The following EZH2 variants were observed in gnomAD, a reference collection of about 807,000 sequenced individuals.
The protein encoded by EZH2 is histone-lysine N-methyltransferase EZH2.
In EZH2, 18 loss-of-function variants were observed where a neutral mutation model predicts 98.4. The ratio of observed to expected loss-of-function variants is 0.18; its 90% CI spans 0.13 to 0.27. The LOEUF is 0.27. EZH2 is among the 10% of genes least tolerant of loss of function. The pLI is 1.00. For synonymous variants in EZH2, 338 were observed against 312.3 expected, an observed-to-expected ratio of 1.08 and a Z score of -0.87; for missense variants, 470 against 935.1, an observed-to-expected ratio of 0.50 and a Z score of 6.49.
At chr7:148,833,255 G>A (rs562734907) in intron 3 of EZH2, among the ~76,000 whole-genome samples, 4 of 151,918 alleles carry the variant, frequency 2.6e-5, no homozygotes, top group South Asian at 4.2e-4. Flanking sequence ...TCAGGAGATC[G>A]AGACCATCCT....
chr7:148,836,183 T>C (rs1810881653), intron 3 of EZH2, among the ~76,000 whole-genome samples: 1 of 152,186 alleles, frequency 6.6e-6, no homozygotes. Context: ...AAAAAATGTT[T>C]CTGGAATGAA....
intron 9 of EZH2, chr7:148,818,884 ATT>A (rs1805278849): frequency 5.6e-6 from 2 of 357,526 alleles, no homozygotes; most frequent in Non-Finnish European, 1.1e-5. Flanking sequence ...CAAGAATTCC[ATT>A]TTTTTAGTGG....
intron 1 of EZH2, among the ~76,000 whole-genome samples, chr7:148,879,088 G>C (rs1239169286): frequency 6.6e-6 from 1 of 151,054 alleles, no homozygotes; most frequent in African/African-American, 2.4e-5. Context: ...AGCCAGGTGT[G>C]GTGGTGCGTT....
chr7:148,868,474 A>T (rs1228951922), intron 1 of EZH2, among the ~76,000 whole-genome samples: 1 of 152,168 alleles, frequency 6.6e-6, no homozygotes, highest in Non-Finnish European at 1.5e-5. Flanking sequence ...TGTCACGAGA[A>T]CTCACTGTCA....
At chr7:148,816,116 A>T (rs1804475659) in intron 12 of EZH2, among the ~76,000 whole-genome samples, 1 of 152,184 alleles carries the variant, frequency 6.6e-6, no homozygotes, top group South Asian at 2.1e-4. Context: ...TCTCATTTTT[A>T]AAAATGTGAG....
chr7:148,848,472 T>C (rs1309647879), intron 1 of EZH2, among the ~76,000 whole-genome samples: 2 of 152,196 alleles, frequency 1.3e-5, no homozygotes, highest in African/African-American at 2.4e-5. Context: ...GCAGGCTTCA[T>C]CTATTTGTTT....
Position 148,811,729 on chromosome 7 carries a change from T to G in EZH2, c.1852-9A>C, listed in dbSNP as rs199654408. On this transcript the variant is annotated splice_polypyrimidine_tract_variant and intron_variant, in intron 15 of 19. Coordinates refer to ENST00000320356, the MANE Select transcript of EZH2 (RefSeq NM_004456.5). ...GGTGCCAGCAATAGATGCTAGAGAA[T>G]AAAACACAATCACATCATCAAAAAA... 73 of 1,608,258 alleles carry G rather than the reference T, an allele frequency of 4.5e-5. No homozygotes were observed. The highest frequency in any genetic ancestry group is 5.9e-5 in the Non-Finnish European group (70 of 1,178,228).
chr7:148,836,447 C>A (rs1339194285), intron 3 of EZH2, among the ~76,000 whole-genome samples: 8 of 152,120 alleles, frequency 5.3e-5, no homozygotes, highest in African/African-American at 7.2e-5. Context: ...AAAAATTACT[C>A]AAAAATCCCA....
rs528183085 is a variant in EZH2 at position 148,810,274 on chromosome 7, C to T, written c.2029+59G>A. ...CTACCCTCGTTTCTGAACACTCGGC[C>T]GGCAGAAGGCTGCCACATGCAACTC... On this transcript the variant is annotated intron_variant, in intron 17 of 19. Coordinates refer to ENST00000320356, the MANE Select transcript of EZH2 (RefSeq NM_004456.5). The T allele has an allele frequency of 2.1e-4, 272 of 1,300,630 alleles. No individual in the cohort carries two copies. In the African/African-American group the frequency reaches 3.0e-3, roughly 14 times the overall value. The allele number at this position is 1,300,630 out of a possible 1,614,324, so 80.6% of individuals were successfully genotyped here. A position where few individuals can be genotyped will look rare whatever the true frequency, so the allele number is the denominator to read the frequency against.
chr7:148,855,668 G>A (rs1025022018), intron 1 of EZH2, among the ~76,000 whole-genome samples: 1 of 152,064 alleles, frequency 6.6e-6, no homozygotes, highest in Non-Finnish European at 1.5e-5. Context: ...GGGAGACCGA[G>A]GCAGGTGGAT....
At chr7:148,822,745 C>G (rs1203517122) in intron 8 of EZH2, among the ~76,000 whole-genome samples, 5 of 151,984 alleles carry the variant, frequency 3.3e-5, no homozygotes, top group Non-Finnish European at 1.5e-5. Flanking sequence ...AGTTTGAGAC[C>G]AGCCTGGCCA....
chr7:148,850,443 T>C, intron 1 of EZH2: 4 of 964,444 alleles, frequency 4.1e-6, no homozygotes, highest in Non-Finnish European at 4.9e-6. Context: ...TTTCTACCAT[T>C]AATAACATAC....
At chr7:148,810,654 G>A (rs950437796) in intron 16 of EZH2, among the ~76,000 whole-genome samples, 1 of 152,156 alleles carries the variant, frequency 6.6e-6, no homozygotes, top group African/African-American at 2.4e-5. Context: ...AGAAAGTGAG[G>A]AACCAAAGTC....
intron 12 of EZH2, 78 bp downstream of exon 12, chr7:148,816,603 CCAA>C (rs1804618222): frequency 2.9e-6 from 3 of 1,018,908 alleles, no homozygotes; most frequent in African/African-American, 1.6e-5. Context: ...TAAGTAGAAA[CCAA>C]CAACAGCCCT....
chr7:148,857,063 T>C (rs1422989741), intron 1 of EZH2, among the ~76,000 whole-genome samples: 2 of 152,264 alleles, frequency 1.3e-5, no homozygotes, highest in African/African-American at 2.4e-5. Flanking sequence ...CCCGATGTGA[T>C]GAAATGAGAT....
intron 6 of EZH2, 80 bp from the exon 7 acceptor site, chr7:148,827,346 T>A (rs2129475868): frequency 1.0e-6 from 1 of 992,586 alleles, no homozygotes; most frequent in South Asian, 1.5e-5. Context: ...CCCAATTATG[T>A]CTCTATAACA....
At chr7:148,819,181 C>A (rs757399612) in intron 9 of EZH2, 1 of 406,946 alleles carries the variant, frequency 2.5e-6, no homozygotes, top group South Asian at 1.9e-5. Flanking sequence ...ATCTGTGGAA[C>A]CTATCACATA....
intron 8 of EZH2, among the ~76,000 whole-genome samples, chr7:148,823,916 C>G (rs938399843): frequency 6.6e-6 from 1 of 152,182 alleles, no homozygotes; most frequent in African/African-American, 2.4e-5. Flanking sequence ...TTTTAAGTAT[C>G]TTCCCCACAT....
In EZH2 at chr7:148,828,755, C is replaced by G; in HGVS notation, c.610G>C (p.Glu204Gln). The G allele has an allele frequency of 6.2e-7, 1 of 1,613,638 alleles. No individual in the cohort carries two copies. Among genetic ancestry groups the G allele is most frequent in the Non-Finnish European group, 8.5e-7 (1 of 1,179,952 alleles). ...TCAGGCATACCATCTCGGTGATCCTCCAGATCTTTCTGCTTTTCTTCTCTT... is the reference window on the plus strand; with the variant it reads ...TCAGGCATACCATCTCGGTGATCCTGCAGATCTTTCTGCTTTTCTTCTCTT... ...EEREEKQKDL[E>Q]DHRDDKESRP... Residue 204 changes from glutamate (E) to glutamine (Q), a missense_variant, in exon 6 of 20, where the codon GAG becomes CAG. Glu to Gln is a conservative substitution (Grantham distance 29). This residue lies in a region of EZH2 where 69 missense variants were observed against 78.3 expected (regional missense o/e 0.88). Transcript: ENST00000320356.
Sources: gnomAD v4.1 joint callset for allele counts (sites outside exome capture counted in the v4.1 genomes callset) on GRCh38, gnomAD v4.1.1 for gene constraint, gnomAD v4.1.1 regional missense constraint, MANE v1.5 for transcripts, NCBI Gene and HGNC (gene_info 2026-07-23, HGNC 2026-07-21) for gene names.